Variants in CNTN5 observed in about 807,000 individuals in gnomAD.
The protein encoded by CNTN5 is contactin-5.
A neutral mutation model predicts 129.1 loss-of-function variants in CNTN5; 77 were observed. The ratio of observed to expected loss-of-function variants is 0.60; its 90% confidence interval spans 0.50 to 0.72. CNTN5 has a LOEUF of 0.72. CNTN5 is among the 30% of genes least tolerant of loss of function. CNTN5 has a pLI of 0.00. For synonymous variants in CNTN5, 509 were observed against 465.6 expected, an observed-to-expected ratio of 1.09 and a Z score of -1.20; for missense variants, 1,478 against 1,328.8, an observed-to-expected ratio of 1.11 and a Z score of -1.75.
chr11:100,074,097 T>C, intron 12 of CNTN5, 47 bp from the exon 13 acceptor site: 5 of 1,558,770 alleles, frequency 3.2e-6, no homozygotes, highest in Non-Finnish European at 4.4e-6. Context: ...CCATTAGAGA[T>C]TATTGTCATT....
chr11:99,759,101 A>C (rs991299195), intron 3 of CNTN5, among the ~76,000 whole-genome samples: 1 of 152,044 alleles, frequency 6.6e-6, no homozygotes, highest in African/African-American at 2.4e-5. Flanking sequence ...GCAACTCTAT[A>C]AGGTGGGTGT....
chr11:99,789,397 A>C (rs982549523), intron 3 of CNTN5, among the ~76,000 whole-genome samples: 1 of 152,120 alleles, frequency 6.6e-6, no homozygotes, highest in East Asian at 1.9e-4. Flanking sequence ...TGAGGAAAAT[A>C]AGTTTTAAGA....
chr11:99,047,304 C>T (rs1277131870), intron 1 of CNTN5, among the ~76,000 whole-genome samples: 2 of 147,574 alleles, frequency 1.4e-5, no homozygotes, highest in African/African-American at 2.5e-5. Flanking sequence ...TCTTTCTGCA[C>T]ATGTGAAATA....
intron 1 of CNTN5, among the ~76,000 whole-genome samples, chr11:99,196,852 G>T (rs1004359566): frequency 4.6e-5 from 7 of 151,824 alleles, no homozygotes; most frequent in African/African-American, 1.7e-4. Flanking sequence ...AAGATTAGGA[G>T]GAGTATGTCC....
chr11:99,519,221 T>C (rs1335800063), intron 2 of CNTN5, among the ~76,000 whole-genome samples: 1 of 152,074 alleles, frequency 6.6e-6, no homozygotes, highest in African/African-American at 2.4e-5. Flanking sequence ...CTTAGTTAAT[T>C]TCTACTCACC....
At chr11:99,918,613 A>G (rs1439027802) in intron 7 of CNTN5, among the ~76,000 whole-genome samples, 3 of 152,184 alleles carry the variant, frequency 2.0e-5, no homozygotes, top group Non-Finnish European at 4.4e-5. Context: ...TAGCATTTGT[A>G]GCCATACACT....
chr11:100,161,248 AC>A (rs1317540734), intron 13 of CNTN5, among the ~76,000 whole-genome samples: 41 of 151,908 alleles, frequency 2.7e-4, no homozygotes, highest in Non-Finnish European at 5.0e-4. Context: ...TATTATCTAA[AC>A]TGATGAATTG....
At chr11:99,047,843 A>T (rs1393851353) in intron 1 of CNTN5, among the ~76,000 whole-genome samples, 1 of 152,108 alleles carries the variant, frequency 6.6e-6, no homozygotes, top group Non-Finnish European at 1.5e-5. Context: ...TTATACAATT[A>T]TTTTAACTTT....
chr11:99,579,350 T>C (rs1029791098), intron 3 of CNTN5, among the ~76,000 whole-genome samples: 1 of 151,612 alleles, frequency 6.6e-6, no homozygotes, highest in African/African-American at 2.4e-5. Context: ...AAAGTAGTTT[T>C]TTCCAATTCT....
At chr11:99,581,629 G>A (rs61911113) in intron 3 of CNTN5, among the ~76,000 whole-genome samples, 7,536 of 152,094 alleles carry the variant, frequency 0.05, 288 homozygotes, top group Non-Finnish European at 0.073. Flanking sequence ...TTTAAAGTCC[G>A]TTTTATCCGA....
intron 13 of CNTN5, among the ~76,000 whole-genome samples, chr11:100,118,731 T>C (rs1010106816): frequency 1.3e-5 from 2 of 151,726 alleles, no homozygotes; most frequent in Non-Finnish European, 2.9e-5. Context: ...GGCTTGGGAG[T>C]ACAATAAGCC....
At chr11:99,522,001 G>A (rs1947293082) in intron 2 of CNTN5, among the ~76,000 whole-genome samples, 1 of 151,960 alleles carries the variant, frequency 6.6e-6, no homozygotes, top group African/African-American at 2.4e-5. Context: ...TAAAGCTTGG[G>A]TAATAAAAAA....
At chr11:99,724,846 T>C (rs181964128) in intron 3 of CNTN5, among the ~76,000 whole-genome samples, 1 of 152,202 alleles carries the variant, frequency 6.6e-6, no homozygotes, top group African/African-American at 2.4e-5. Flanking sequence ...TAGGTTACTA[T>C]ACTACAAGCT....
chr11:99,309,010 C>G (rs1864989094), intron 1 of CNTN5, among the ~76,000 whole-genome samples: 1 of 152,010 alleles, frequency 6.6e-6, no homozygotes. Context: ...ATTGTATTCT[C>G]TGTAAAAATA....
At chr11:99,684,637 A>G (rs1349730679) in intron 3 of CNTN5, among the ~76,000 whole-genome samples, 1 of 151,844 alleles carries the variant, frequency 6.6e-6, no homozygotes, top group African/African-American at 2.4e-5. Context: ...ACATTCCCAG[A>G]TTCCTAAGTT....
intron 18 of CNTN5, among the ~76,000 whole-genome samples, chr11:100,276,357 T>C (rs764127678): frequency 6.6e-6 from 1 of 151,870 alleles, no homozygotes; most frequent in African/African-American, 2.4e-5. Flanking sequence ...CTGGCCAACA[T>C]GGCAAAAACC....
Position 100,224,724 on chromosome 11 carries a change from C to G in CNTN5, c.1917C>G (p.Asn639Lys), listed in dbSNP as rs1480002431. Residue 639 changes from asparagine (N) to lysine (K), a missense_variant, in exon 16 of 25, where the codon AAC becomes AAG. Coordinates refer to ENST00000524871, the MANE Select transcript of CNTN5 (RefSeq NM_014361.4). ...CCTCTGCAGATTTAATGATCAGGAA[C>G]ATCCTTCTGATGCATGCTGGGAGAT... is the stretch of plus-strand genomic sequence containing the variant. ...QASSADLMIR[N>K]ILLMHAGRYG... The G allele has an allele frequency of 6.2e-7, 1 of 1,612,352 alleles. No homozygotes were observed. The highest frequency in any genetic ancestry group is 8.5e-7 in the Non-Finnish European group (1 of 1,178,736).
intron 1 of CNTN5, among the ~76,000 whole-genome samples, chr11:99,154,734 G>T (rs935492865): frequency 2.0e-5 from 3 of 152,168 alleles, no homozygotes; most frequent in African/African-American, 7.2e-5. Flanking sequence ...AAGCACCCAG[G>T]TTGGACATCT....
At chr11:99,471,713 C>A (rs1291082466) in intron 2 of CNTN5, among the ~76,000 whole-genome samples, 1 of 151,832 alleles carries the variant, frequency 6.6e-6, no homozygotes. Flanking sequence ...TAGTAAGTAC[C>A]CAAGATGGGC....
Sources: allele counts gnomAD v4.1 joint callset (sites outside exome capture counted in the v4.1 genomes callset), GRCh38; gene constraint gnomAD v4.1.1; transcripts MANE v1.5; gene names NCBI Gene and HGNC (gene_info 2026-07-23, HGNC 2026-07-21).